Variants in PRKAG2 observed in about 807,000 individuals in gnomAD.
The protein encoded by PRKAG2 is 5'-AMP-activated protein kinase subunit gamma-2.
PRKAG2 carries 26 observed loss-of-function variants against 69.6 expected under a neutral mutation model. That is an observed-to-expected ratio of 0.37 (90% CI 0.27 to 0.52). The LOEUF is 0.52. Among genes scored for constraint, PRKAG2 ranks in the 20% least tolerant of loss-of-function variants. The pLI is 0.90. For missense variants in PRKAG2, 557 were observed against 740.0 expected (o/e 0.75, Z 2.87); for synonymous variants, 293 against 285.0 (o/e 1.03, Z -0.28).
intron 3 of PRKAG2, among the ~76,000 whole-genome samples, chr7:151,681,283 T>C (rs1325825969): frequency 6.6e-6 from 1 of 152,220 alleles, no homozygotes; most frequent in Non-Finnish European, 1.5e-5. Flanking sequence ...AATGATTCTC[T>C]ATCATTGCCA....
At chr7:151,716,641 T>G (rs1222323933) in intron 3 of PRKAG2, among the ~76,000 whole-genome samples, 1 of 151,942 alleles carries the variant, frequency 6.6e-6, no homozygotes, top group African/African-American at 2.4e-5. Flanking sequence ...TCTGTAGAGG[T>G]GGAAACTGAG....
At chr7:151,608,531 G>A (rs941374748) in intron 5 of PRKAG2, among the ~76,000 whole-genome samples, 2 of 152,096 alleles carry the variant, frequency 1.3e-5, no homozygotes, top group African/African-American at 4.8e-5. Context: ...CCAGGCCCCT[G>A]GAAGGTTCAT....
chr7:151,830,291 G>T (rs978638804), intron 1 of PRKAG2, among the ~76,000 whole-genome samples: 3 of 151,800 alleles, frequency 2.0e-5, no homozygotes, highest in Non-Finnish European at 1.5e-5. Context: ...CCACCTGCAC[G>T]GGCCAGAGCC....
intron 5 of PRKAG2, among the ~76,000 whole-genome samples, chr7:151,627,744 G>T (rs1823343601): frequency 6.6e-6 from 1 of 152,154 alleles, no homozygotes; most frequent in African/African-American, 2.4e-5. Flanking sequence ...AAGTACAGTG[G>T]TGCAACCACA....
intron 5 of PRKAG2, among the ~76,000 whole-genome samples, chr7:151,600,148 G>A (rs918359417): frequency 2.6e-5 from 4 of 151,964 alleles, no homozygotes; most frequent in Admixed American, 6.6e-5. Flanking sequence ...TCCTTCCCTC[G>A]GCCCGCCACA....
intron 1 of PRKAG2, among the ~76,000 whole-genome samples, chr7:151,839,371 G>A (rs142709459): frequency 6.6e-6 from 1 of 152,290 alleles, no homozygotes; most frequent in East Asian, 1.9e-4. Flanking sequence ...CTCAGAAGCG[G>A]TCCGCAGCCC....
At chr7:151,726,167 A>G (rs1797909058) in intron 3 of PRKAG2, among the ~76,000 whole-genome samples, 1 of 152,134 alleles carries the variant, frequency 6.6e-6, no homozygotes, top group Non-Finnish European at 1.5e-5. Flanking sequence ...AGCTCAGGAC[A>G]TGGGGCGCTG....
chr7:151,598,101 A>C (rs1231436367), intron 5 of PRKAG2, among the ~76,000 whole-genome samples: 1 of 152,200 alleles, frequency 6.6e-6, no homozygotes, highest in Non-Finnish European at 1.5e-5. Context: ...CGTGGTACCT[A>C]TAAACAATGG....
intron 1 of PRKAG2, chr7:151,790,729 G>A (rs1027602429): frequency 6.6e-6 from 1 of 152,222 alleles, no homozygotes; most frequent in African/African-American, 2.4e-5. Flanking sequence ...ATTCCTCTCT[G>A]GTTTCAAATT....
Position 151,687,335 on chromosome 7 carries a change from G to A in PRKAG2, c.467-11698C>T, listed in dbSNP as rs527925641. Among the ~76,000 whole-genome samples, 47 of 152,308 alleles carry A rather than the reference G, an allele frequency of 3.1e-4. No individual in the cohort carries two copies. In the South Asian group the frequency reaches 9.1e-3, roughly 30 times the overall value. ...TGTTGCCACTTAGAAAGCAGTCCTG[G>A]GGAGGCACAGGGGAGGCCCCTCTGC... On this transcript the variant is annotated intron_variant, in intron 3 of 15. Transcript: ENST00000287878.
At chr7:151,622,024 G>A (rs1226963837) in intron 5 of PRKAG2, among the ~76,000 whole-genome samples, 1 of 152,160 alleles carries the variant, frequency 6.6e-6, no homozygotes, top group Non-Finnish European at 1.5e-5. Flanking sequence ...CAAGAACTAA[G>A]TTTTTGTTTT....
At chr7:151,851,477 C>A (rs530972505) in intron 1 of PRKAG2, among the ~76,000 whole-genome samples, 1 of 152,150 alleles carries the variant, frequency 6.6e-6, no homozygotes, top group African/African-American at 2.4e-5. Flanking sequence ...CAGGCTGGTG[C>A]GGGGATCTGA....
chr7:151,825,632 G>C (rs2151869121), intron 1 of PRKAG2, among the ~76,000 whole-genome samples: 1 of 152,310 alleles, frequency 6.6e-6, no homozygotes, highest in East Asian at 1.9e-4. Flanking sequence ...TTTGAAGCCT[G>C]TTTTTTCCCC....
At chr7:151,841,444 G>A (rs1018850074) in intron 1 of PRKAG2, among the ~76,000 whole-genome samples, 2 of 150,786 alleles carry the variant, frequency 1.3e-5, no homozygotes, top group African/African-American at 4.9e-5. Context: ...GTGATAGTAG[G>A]TAGGGATGGT....
At chr7:151,861,379 C>G (rs1264593327) in intron 1 of PRKAG2, among the ~76,000 whole-genome samples, 3 of 151,692 alleles carry the variant, frequency 2.0e-5, no homozygotes, top group Non-Finnish European at 4.4e-5. Context: ...AATACAAAAC[C>G]TGGCCGGTCA....
chr7:151,712,789 C>T lies in PRKAG2; in HGVS notation c.467-37152G>A, dbSNP rs78831080. ...CCACAATCCTCTCCAGCCTCCATCT[C>T]TGTCTTTCCTGGGAGAGGTTCTGAG... On this transcript the variant is annotated intron_variant, in intron 3 of 15. Transcript: ENST00000287878. 9.2e-3 allele frequency among the ~76,000 whole-genome samples: 1,403 copies of T among 152,372 alleles called. 22 individuals are homozygous for T. The highest frequency in any genetic ancestry group is 0.032 in the African/African-American group (1,350 of 41,592).
chr7:151,655,262 C>T (rs963558694), intron 4 of PRKAG2, among the ~76,000 whole-genome samples: 12 of 152,194 alleles, frequency 7.9e-5, no homozygotes, highest in Non-Finnish European at 1.6e-4. Flanking sequence ...CCCAAAAGTA[C>T]TCTGTGCGGC....
In PRKAG2 at chr7:151,686,693, T is replaced by G. The variant is rs12666026; in HGVS notation, c.467-11056A>C. Among the ~76,000 whole-genome samples, 74 of 152,256 alleles carry G rather than the reference T, an allele frequency of 4.9e-4. No individual in the cohort carries two copies. The East Asian group carries it at 0.014, about 28-fold the overall frequency. On this transcript the variant is annotated intron_variant, in intron 3 of 15. Transcript: ENST00000287878. ...CCCTGCCCCTGCAGGACCCCCTCTC[T>G]CAGCAGGAGTTTCTGGACTCTGGCC...
At chr7:151,745,676 G>A (rs577831489) in intron 3 of PRKAG2, among the ~76,000 whole-genome samples, 1 of 152,290 alleles carries the variant, frequency 6.6e-6, no homozygotes. Context: ...GGCAACAGGG[G>A]CATCTTGATT....
Sources: allele counts gnomAD v4.1 joint callset (sites outside exome capture counted in the v4.1 genomes callset), GRCh38; gene constraint gnomAD v4.1.1; transcripts MANE v1.5; gene names NCBI Gene and HGNC (gene_info 2026-07-23, HGNC 2026-07-21).